The following GCSAM variants were observed in gnomAD, a reference collection of about 807,000 sequenced individuals.
GCSAM encodes the protein germinal center-associated signaling and motility protein.
Under a neutral mutation model 17.6 loss-of-function variants are expected in GCSAM, and 8 were observed. The ratio of observed to expected loss-of-function variants is 0.46; its 90% CI spans 0.27 to 0.82. GCSAM has a LOEUF of 0.82. Among genes scored for constraint, GCSAM ranks in the 40% least tolerant of loss-of-function variants. The pLI is 0.15. For missense variants in GCSAM, 192 were observed against 213.5 expected, an observed-to-expected ratio of 0.90 and a Z score of 0.63; for synonymous variants, 68 against 69.0, an observed-to-expected ratio of 0.98 and a Z score of 0.07.
chr3:112,131,388 G>GTA (rs2074447778), intron 1 of GCSAM, among the ~76,000 whole-genome samples: 1 of 152,152 alleles, frequency 6.6e-6, no homozygotes, highest in Non-Finnish European at 1.5e-5. Flanking sequence ...GGTTGGGGGG[G>GTA]TATGCTGACT....
intron 4 of GCSAM, 59 bp from the exon 5 acceptor site, chr3:112,125,313 G>A (rs2074292083): frequency 3.5e-6 from 4 of 1,142,718 alleles, no homozygotes; most frequent in African/African-American, 1.5e-5. Flanking sequence ...GAAGGGAAGA[G>A]CAGGGGAGGC....
rs1441624099 is a variant in GCSAM at position 112,122,214 on chromosome 3, G to T, written c.*1241C>A. On this transcript the variant is annotated 3_prime_UTR_variant, in exon 6 of 6. Coordinates refer to ENST00000308910, the MANE Select transcript of GCSAM (RefSeq NM_152785.5). ...CTCAAACTATAATCATTTAGGGCAG[G>T]TGTCTGCAAACTTTTTTTCCAAAAA... The T allele has an allele frequency of 6.6e-6, 1 of 152,202 alleles. No homozygotes were observed. The highest frequency in any genetic ancestry group is 1.9e-4 in the East Asian group (1 of 5,198). The allele number at this position is 152,202 out of a possible 1,614,324, so 9.4% of individuals were successfully genotyped here.
Position 112,133,163 on chromosome 3 carries a change from T to C in GCSAM, c.-43A>G. The C allele has an allele frequency of 6.2e-7, 1 of 1,609,698 alleles. No homozygotes were observed. The highest frequency in any genetic ancestry group is 8.5e-7 in the Non-Finnish European group (1 of 1,176,050). Reference sequence around the variant, plus strand: ...GGCTTCCCCTCCGTCCCTTTACCACTTCCTTCTTGCCTTGTGCTCTGACAG... The same window carrying C: ...GGCTTCCCCTCCGTCCCTTTACCACCTCCTTCTTGCCTTGTGCTCTGACAG... On this transcript the variant is annotated 5_prime_UTR_variant, in exon 1 of 6. Coordinates refer to ENST00000308910, the MANE Select transcript of GCSAM (RefSeq NM_152785.5).
At chr3:112,126,362 C>T (rs2074317500) in intron 4 of GCSAM, among the ~76,000 whole-genome samples, 2 of 152,188 alleles carry the variant, frequency 1.3e-5, no homozygotes. Context: ...CTCAGGCCTA[C>T]ACTTTCTTAT....
Position 112,128,018 on chromosome 3 carries a change from A to G in GCSAM, c.142T>C (p.Trp48Arg), listed in dbSNP as rs140794013. 807 of 1,613,288 alleles carry G rather than the reference A, an allele frequency of 5.0e-4. 3 individuals carry two copies. Among genetic ancestry groups the G allele is most frequent in the South Asian group, 2.8e-3 (256 of 91,056 alleles). The change falls in exon 3 of 6, where the codon TGG (tryptophan) becomes CGG (arginine). Residue 48 changes from tryptophan to arginine, a missense_variant and splice_region_variant. By Grantham distance (101) the Trp-to-Arg change is moderately radical. Transcript: ENST00000308910. ...HIAEGCFCLP[W>R]KKILIFEKRQ... ...TCCTAAAAACAACTGTCCACTCACCATGGAAGGCAGAAACACCCTTCAGCG... is the reference window on the plus strand; with the variant it reads ...TCCTAAAAACAACTGTCCACTCACCGTGGAAGGCAGAAACACCCTTCAGCG...
rs895339700 is a variant in GCSAM, at chr3:112,123,792, C to T, written c.220-20G>A. ...ATTGTCCTGCTTGTCAAAGAAGAACCATCATCAAGATTTGGTCTCTTGCCA... is the reference window on the plus strand; with the variant it reads ...ATTGTCCTGCTTGTCAAAGAAGAACTATCATCAAGATTTGGTCTCTTGCCA... On this transcript the variant is annotated intron_variant, in intron 5 of 5. Transcript: ENST00000308910. The T allele has an allele frequency of 6.3e-7, 1 of 1,598,890 alleles. No individual in the cohort carries two copies. Among genetic ancestry groups the T allele is most frequent in the African/African-American group, 1.3e-5 (1 of 74,414 alleles).
At chr3:112,133,054 C>G (rs1224369117) in intron 1 of GCSAM, 38 bp downstream of exon 1, 2 of 1,601,998 alleles carry the variant, frequency 1.2e-6, no homozygotes, top group Non-Finnish European at 1.7e-6. Flanking sequence ...TTGTCCTGTC[C>G]CATCTCCTCT....
At chr3:112,126,701 G>GT (rs2074327945) in intron 4 of GCSAM, among the ~76,000 whole-genome samples, 1 of 152,080 alleles carries the variant, frequency 6.6e-6, no homozygotes, top group South Asian at 2.1e-4. Context: ...GCAGTTTCTT[G>GT]TAAGTGCCTT....
At chr3:112,124,562 C>T (rs916267901) in intron 5 of GCSAM, among the ~76,000 whole-genome samples, 5 of 152,216 alleles carry the variant, frequency 3.3e-5, no homozygotes, top group East Asian at 3.9e-4. Flanking sequence ...GAGCTGAGAT[C>T]GTGCCATTGC....
intron 2 of GCSAM, 49 bp downstream of exon 2, chr3:112,130,396 G>A (rs765462486): frequency 2.6e-5 from 39 of 1,484,612 alleles, no homozygotes; most frequent in African/African-American, 6.9e-5. Flanking sequence ...GACATACTTC[G>A]TTCTCCTTGG....
At position 112,123,611 on chromosome 3, in the gene GCSAM, C is replaced by T. The variant is rs1331769284; in HGVS notation, c.381G>A (p.Glu127=). 6.2e-7 allele frequency: 1 copy of T among 1,614,138 alleles called. No individual in the cohort carries two copies. The highest frequency in any genetic ancestry group is 8.5e-7 in the Non-Finnish European group (1 of 1,180,002). The change falls in exon 6 of 6, where the codon GAG becomes GAA. Residue 127 remains glutamate, a synonymous_variant. Transcript: ENST00000308910. ...PRESLGGTET[E]YSLLHMPSTD... Reference sequence around the variant, plus strand: ...TAGAAGGCATATGTAGAAGTGAATACTCAGTCTCAGTTCCTCCCAAGGACT... The same window carrying T: ...TAGAAGGCATATGTAGAAGTGAATATTCAGTCTCAGTTCCTCCCAAGGACT...
intron 4 of GCSAM, 35 bp downstream of exon 4, chr3:112,126,952 T>C (rs1184471171): frequency 1.4e-6 from 2 of 1,442,620 alleles, no homozygotes; most frequent in Middle Eastern, 1.8e-4. Flanking sequence ...GTAAGTCTTA[T>C]CAAAAGTGAA....
At chr3:112,128,116 A>G in intron 2 of GCSAM, 55 bp from the exon 3 acceptor site, 1 of 1,507,172 alleles carries the variant, frequency 6.6e-7, no homozygotes, top group South Asian at 1.1e-5. Flanking sequence ...CAGCTTTGTT[A>G]AGGTGACTCC....
chr3:112,124,101 G>A (rs1224386188), intron 5 of GCSAM, among the ~76,000 whole-genome samples: 2 of 152,166 alleles, frequency 1.3e-5, no homozygotes, highest in African/African-American at 2.4e-5. Context: ...CCTAGTGAGA[G>A]GTGTTTTGGT....
chr3:112,130,704 C>T, intron 1 of GCSAM, 191 bp from the exon 2 acceptor site: 1 of 603,578 alleles, frequency 1.7e-6, no homozygotes, highest in Non-Finnish European at 3.0e-6. Context: ...GACATGCTCT[C>T]CATTGCCACA....
chr3:112,130,134 G>C (rs946810715), intron 2 of GCSAM: 1 of 313,602 alleles, frequency 3.2e-6, no homozygotes, highest in East Asian at 5.9e-5. Flanking sequence ...TGAGCACAAA[G>C]GTACCTGAGA....
chr3:112,127,204 A>G (rs1022056677), intron 3 of GCSAM, among the ~76,000 whole-genome samples, 171 bp from the exon 4 acceptor site: 1 of 152,220 alleles, frequency 6.6e-6, no homozygotes, highest in Admixed American at 6.5e-5. Context: ...AGATGAGGCC[A>G]AATAGAAATA....
intron 3 of GCSAM, among the ~76,000 whole-genome samples, chr3:112,127,464 A>G (rs2074353931): frequency 6.6e-6 from 1 of 152,210 alleles, no homozygotes; most frequent in Admixed American, 6.5e-5. Context: ...GAACACTGTA[A>G]AAAGACTCCC....
chr3:112,132,726 G>A (rs944672440), intron 1 of GCSAM: 2 of 947,908 alleles, frequency 2.1e-6, no homozygotes, highest in Non-Finnish European at 2.5e-6. Context: ...CTGAAAGAGG[G>A]TGGTGATTTT....
Sources: allele counts gnomAD v4.1 joint callset (sites outside exome capture counted in the v4.1 genomes callset), GRCh38; gene constraint gnomAD v4.1.1; transcripts MANE v1.5; gene names NCBI Gene and HGNC (gene_info 2026-07-23, HGNC 2026-07-21).